DPP6: variants seen among roughly 807,000 people sequenced by gnomAD.
DPP6 encodes the protein A-type potassium channel modulatory protein DPP6.
A neutral mutation model predicts 122.6 loss-of-function variants in DPP6; 69 were observed. That is an observed-to-expected ratio of 0.56 (90% CI 0.46 to 0.69). DPP6 has a LOEUF of 0.69. DPP6 is among the 30% of genes least tolerant of loss of function. The pLI is 0.00. For synonymous variants in DPP6, 418 were observed against 433.1 expected (o/e 0.97, Z 0.43); for missense variants, 928 against 1,116.9 (o/e 0.83, Z 2.41).
chr7:153,827,541 G>C, the DPP6 span, among the ~76,000 whole-genome samples: 99 of 152,284 alleles, frequency 6.5e-4, no homozygotes, highest in African/African-American at 2.3e-3. Flanking sequence ...CTCCAGACTA[G>C]GTAGTTGAGA....
intron 16 of DPP6, among the ~76,000 whole-genome samples, chr7:154,810,624 C>T (rs6951481): frequency 0.81 from 123,060 of 152,156 alleles, 49,858 homozygotes; most frequent in Non-Finnish European, 0.84. Flanking sequence ...AAAACAGAAG[C>T]AAAGAACAAG....
chr7:154,178,519 A>G (rs1053204785), intron 1 of DPP6, among the ~76,000 whole-genome samples: 1 of 151,124 alleles, frequency 6.6e-6, no homozygotes, highest in African/African-American at 2.4e-5. Flanking sequence ...AAAATCCTGA[A>G]AAAAAAAAAA....
intron 3 of DPP6, among the ~76,000 whole-genome samples, chr7:154,517,694 A>G (rs1826633661): frequency 6.6e-6 from 1 of 151,950 alleles, no homozygotes; most frequent in Non-Finnish European, 1.5e-5. Flanking sequence ...TAGGGAAAGA[A>G]ATATGTTGCC....
At chr7:154,749,277 C>G (rs1203502989) in intron 8 of DPP6, among the ~76,000 whole-genome samples, 1 of 118,830 alleles carries the variant, frequency 8.4e-6, no homozygotes. Flanking sequence ...GAGCATAGGA[C>G]AGGAGGGAGA....
chr7:154,060,109 C>A (rs570012802), intron 1 of DPP6, among the ~76,000 whole-genome samples: 1 of 147,494 alleles, frequency 6.8e-6, no homozygotes, highest in African/African-American at 2.5e-5. Flanking sequence ...GGCAATCCTC[C>A]CGAGGCGGGA....
intron 1 of DPP6, among the ~76,000 whole-genome samples, chr7:154,356,871 A>C (rs1811311894): frequency 6.6e-6 from 1 of 152,142 alleles, no homozygotes; most frequent in African/African-American, 2.4e-5. Flanking sequence ...TTAAAAAAAC[A>C]TGGGAAGGCA....
Position 154,474,976 on chromosome 7 carries a change from T to C in DPP6, c.396T>C (p.Thr132=). ...DNSLSQKKKV[T]VEDLFSEDFK... is the part of the protein sequence containing the mutation. ...GTCTGTCTCAAAAGAAGAAGGTCAC[T>C]GTAGAAGATCTCTTCAGTGAAGACT... Residue 132 remains threonine (T), a synonymous_variant, in exon 3 of 26, where the codon ACT becomes ACC. Transcript: ENST00000377770. The C allele has an allele frequency of 6.2e-7, 1 of 1,613,888 alleles. No individual in the cohort carries two copies.
At chr7:154,007,833 C>T (rs1300244076) in intron 1 of DPP6, among the ~76,000 whole-genome samples, 6 of 152,182 alleles carry the variant, frequency 3.9e-5, no homozygotes, top group East Asian at 1.9e-4. Context: ...TCACACACCT[C>T]GGGATCCTTC....
intron 1 of DPP6, among the ~76,000 whole-genome samples, chr7:153,948,741 C>G (rs1802065844): frequency 6.8e-6 from 1 of 147,772 alleles, no homozygotes; most frequent in Admixed American, 6.8e-5. Context: ...GACTACCTTC[C>G]CTTCAAAACA....
chr7:154,378,394 G>T lies in DPP6; in HGVS notation c.244-67820G>T, dbSNP rs1813305704. 2.6e-5 allele frequency among the ~76,000 whole-genome samples: 4 copies of T among 152,330 alleles called. No individual in the cohort carries two copies. In the South Asian group the frequency reaches 8.3e-4, roughly 32 times the overall value. On this transcript the variant is annotated intron_variant, in intron 1 of 25. Coordinates refer to ENST00000377770, the MANE Select transcript of DPP6 (RefSeq NM_130797.4). ...TTTAAGGCCCTCTTAAAAACACATT[G>T]TCTTAGCTTTGGCTGCTATGACAAA...
rs141441548 is a variant in DPP6 at position 154,153,831 on chromosome 7, C to T, written c.243+100768C>T. Among the ~76,000 whole-genome samples the T allele has an allele frequency of 1.3e-4, 20 of 152,228 alleles. No homozygotes were observed. In the East Asian group the frequency reaches 1.7e-3, roughly 13 times the overall value. On this transcript the variant is annotated intron_variant, in intron 1 of 25. Transcript: ENST00000377770. ...TTATTTACAAAACAACAGCAGGCCC[C>T]GGGGCCATAGTTTGCTGACTGCCGC...
intron 1 of DPP6, among the ~76,000 whole-genome samples, chr7:154,250,419 G>A (rs189073581): frequency 1.2e-3 from 182 of 151,800 alleles, no homozygotes; most frequent in African/African-American, 4.0e-3. Flanking sequence ...GGGTGCGTGC[G>A]CTGGGGCTGG....
At chr7:154,796,059 GC>G in intron 12 of DPP6, 176 bp downstream of exon 12, 1 of 1,006,652 alleles carries the variant, frequency 9.9e-7, no homozygotes, top group Non-Finnish European at 1.4e-6. Context: ...CTCCAGGGTT[GC>G]CCAGAGAGCT....
the DPP6 span, among the ~76,000 whole-genome samples, chr7:153,766,355 T>G: frequency 3.3e-5 from 5 of 152,228 alleles, no homozygotes; most frequent in Admixed American, 6.5e-5. Flanking sequence ...ATTGAGTTTT[T>G]GTATTAAGTA....
rs184084391 is a variant in DPP6 at position 154,451,058 on chromosome 7, G to A, written c.358+4730G>A. ...GTCACCCCGGTCCAAGGGCTGTCAC[G>A]AGTGTCACTCAAGAGTGGAATAAGG... On this transcript the variant is annotated intron_variant, in intron 2 of 25. Coordinates refer to ENST00000377770, the MANE Select transcript of DPP6 (RefSeq NM_130797.4). 7.9e-4 allele frequency among the ~76,000 whole-genome samples: 120 copies of A among 152,178 alleles called. 1 individual carries two copies. Among genetic ancestry groups the A allele is most frequent in the Non-Finnish European group, 1.5e-3 (101 of 68,010 alleles).
At chr7:154,348,747 T>C (rs1810602692) in intron 1 of DPP6, among the ~76,000 whole-genome samples, 1 of 152,218 alleles carries the variant, frequency 6.6e-6, no homozygotes, top group Non-Finnish European at 1.5e-5. Context: ...AAAAAAGGAC[T>C]AATATCCTTA....
At chr7:154,749,204 AGAGGGTGAGGGAGCATAGGACAGGAGG>A (rs1843201216) in intron 8 of DPP6, among the ~76,000 whole-genome samples, 1 of 138,906 alleles carries the variant, frequency 7.2e-6, no homozygotes, top group African/African-American at 2.7e-5. Context: ...CTTTACTGAG[AGAGGGTGAGGGAGCATAGGACAGGAGG>A]GAGAGGGATG....
At chr7:154,368,419 G>A (rs993379795) in intron 1 of DPP6, among the ~76,000 whole-genome samples, 1 of 152,218 alleles carries the variant, frequency 6.6e-6, no homozygotes, top group African/African-American at 2.4e-5. Context: ...CTCTGGGGGT[G>A]AGGCTCAGCA....
chr7:154,579,599 T>C (rs1831910301), intron 5 of DPP6, among the ~76,000 whole-genome samples: 1 of 152,186 alleles, frequency 6.6e-6, no homozygotes. Flanking sequence ...GGGCCTGCCA[T>C]TGGCAAGCTT....
Sources: allele counts gnomAD v4.1 joint callset (sites outside exome capture counted in the v4.1 genomes callset), GRCh38; gene constraint gnomAD v4.1.1; transcripts MANE v1.5; gene names NCBI Gene and HGNC (gene_info 2026-07-23, HGNC 2026-07-21).